Variants in ECI1 observed in about 807,000 individuals in gnomAD.
ECI1 encodes the protein enoyl-CoA delta isomerase 1, mitochondrial.
Under a neutral mutation model 34.2 loss-of-function variants are expected in ECI1, and 34 were observed. That is an observed-to-expected ratio of 1.00 (90% CI 0.76 to 1.33). The LOEUF (loss-of-function observed/expected upper bound fraction) is 1.33. ECI1 is among the 40% of genes most tolerant of loss of function. The pLI, the probability that ECI1 is intolerant of heterozygous loss-of-function variation, is 0.00. For missense variants in ECI1, 456 were observed against 422.2 expected, an observed-to-expected ratio of 1.08 and a Z score of -0.70; for synonymous variants, 211 against 193.0, an observed-to-expected ratio of 1.09 and a Z score of -0.77.
chr16:2,240,506 C>T (rs1482276720), intron 6 of ECI1: 8 of 275,592 alleles, frequency 2.9e-5, no homozygotes, highest in African/African-American at 6.7e-5. Flanking sequence ...CCAGCACGCC[C>T]GGCCCTAATT....
rs1034239887 is a variant in ECI1 at position 2,242,973 on chromosome 16, C to T, written c.742+73G>A. The T allele has an allele frequency of 2.0e-4, 243 of 1,233,732 alleles. 2 individuals carry two copies. The highest frequency in any genetic ancestry group is 1.4e-3 in the South Asian group (118 of 82,656). 76.4% of individuals were successfully genotyped at this position (1,233,732 alleles called of 1,614,324 possible). On this transcript the variant is annotated intron_variant, in intron 6 of 6. Transcript: ENST00000301729. Reference sequence around the variant, plus strand: ...CAGTCTCCCGAAGTCACGATGTCCACAGAAAACCTTTGGGTGGAGAACCTT... The same window carrying T: ...CAGTCTCCCGAAGTCACGATGTCCATAGAAAACCTTTGGGTGGAGAACCTT...
chr16:2,247,020 C>G, intron 2 of ECI1, 34 bp from the exon 3 acceptor site: 4 of 1,608,608 alleles, frequency 2.5e-6, no homozygotes, highest in Non-Finnish European at 3.4e-6. Context: ...AAGCTCACAC[C>G]TGGCACTGGA....
At chr16:2,248,128 C>CG (rs1567314814) in intron 2 of ECI1, among the ~76,000 whole-genome samples, 3 of 152,092 alleles carry the variant, frequency 2.0e-5, no homozygotes, top group African/African-American at 2.4e-5. Flanking sequence ...GACAGAGTCT[C>CG]GCTCGTCGCC....
At chr16:2,249,750 C>T (rs1278266644) in intron 2 of ECI1, among the ~76,000 whole-genome samples, 1 of 150,582 alleles carries the variant, frequency 6.6e-6, no homozygotes, top group Non-Finnish European at 1.5e-5. Flanking sequence ...TGGTGGCGGG[C>T]GCCTGTAGTC....
chr16:2,250,785 CTT>C (rs751421852), intron 2 of ECI1, among the ~76,000 whole-genome samples: 7 of 152,116 alleles, frequency 4.6e-5, no homozygotes, highest in Non-Finnish European at 1.0e-4. Flanking sequence ...AATTGAATAA[CTT>C]AGATAACAGC....
chr16:2,242,824 C>G (rs377621236), intron 6 of ECI1: 1 of 599,512 alleles, frequency 1.7e-6, no homozygotes, highest in Non-Finnish European at 3.0e-6. Context: ...GCAGTCCTGC[C>G]CACACTTTGA....
chr16:2,250,849 T>A (rs2093551585), intron 2 of ECI1, among the ~76,000 whole-genome samples: 1 of 152,174 alleles, frequency 6.6e-6, no homozygotes. Context: ...TGAGACGGAA[T>A]CTTGCTCTGT....
rs867026910 is a variant in ECI1, at chr16:2,245,075, A to C, written c.295-523T>G. 8.5e-5 allele frequency among the ~76,000 whole-genome samples: 13 copies of C among 152,268 alleles called. No individual in the cohort carries two copies. In the South Asian group the frequency reaches 2.1e-3, roughly 24 times the overall value. ...GAGCACAGGTGGAAGGGACCCTCCC[A>C]CGGCTGGAGTAGCGGGCGCCAGCAC... On this transcript the variant is annotated intron_variant, in intron 3 of 6. Transcript: ENST00000301729.
chr16:2,244,103 G>C, intron 4 of ECI1: 1 of 472,316 alleles, frequency 2.1e-6, no homozygotes, highest in East Asian at 4.0e-5. Flanking sequence ...CAAAATGTGG[G>C]TCCGATCACC....
At chr16:2,246,827 G>A (rs369676219) in intron 3 of ECI1, 32 bp downstream of exon 3, 30 of 1,611,194 alleles carry the variant, frequency 1.9e-5, no homozygotes, top group Middle Eastern at 4.4e-4. Flanking sequence ...CCAAGAACTC[G>A]GGCTGGGGTA....
In ECI1 at chr16:2,246,928, C is replaced by G. The variant is rs770144171; in HGVS notation, c.225G>C (p.Leu75=). 1.9e-6 allele frequency: 3 copies of G among 1,613,780 alleles called. No individual in the cohort carries two copies. In the South Asian group the frequency reaches 3.3e-5, roughly 18 times the overall value. The change falls in exon 3 of 7, where the codon CTG becomes CTC. Residue 75 remains leucine (L), a synonymous_variant. Coordinates refer to ENST00000301729, the MANE Select transcript of ECI1 (RefSeq NM_001919.4). ...PPVNSLSLEF[L]TELVISLEKL... is the part of the protein sequence containing the mutation. The stretch of plus-strand genomic sequence containing the variant: ...TCTCCAGGCTGATGACCAGCTCCGT[C>G]AGAAACTCCAGGCTCAGGCTGTTCA...
chr16:2,240,072 C>T lies in ECI1; in HGVS notation c.816G>A (p.Ala272=), dbSNP rs151227142. The change falls in exon 7 of 7, where the codon GCG becomes GCA. Residue 272 remains alanine (A), a synonymous_variant. Coordinates refer to ENST00000301729, the MANE Select transcript of ECI1 (RefSeq NM_001919.4). ...TGAAGCTGACGAAGTTCTGCACGTC[C>T]GCATCGCGCTGCGTGACCAGGCGGC... ...TASRLVTQRD[A]DVQNFVSFIS... 2.2e-4 allele frequency: 358 copies of T among 1,614,008 alleles called. 2 individuals carry two copies. In the African/African-American group the frequency reaches 3.1e-3, roughly 14 times the overall value.
In ECI1 at chr16:2,239,865, A is replaced by C. The variant is rs1436239503; in HGVS notation, c.*114T>G. ...CTATGAGGAACAGGAACTTCTACGTAACATCAGCAAAATGAAACGCTGGCA... is the reference window on the plus strand; with the variant it reads ...CTATGAGGAACAGGAACTTCTACGTCACATCAGCAAAATGAAACGCTGGCA... On this transcript the variant is annotated 3_prime_UTR_variant, in exon 7 of 7. Coordinates refer to ENST00000301729, the MANE Select transcript of ECI1 (RefSeq NM_001919.4). 1.9e-5 allele frequency: 23 copies of C among 1,189,102 alleles called. No individual in the cohort carries two copies. Among genetic ancestry groups the C allele is most frequent in the Non-Finnish European group, 2.8e-5 (22 of 799,566 alleles). The allele number at this position is 1,189,102 out of a possible 1,614,324, so 73.7% of individuals were successfully genotyped here.
intron 2 of ECI1, 79 bp from the exon 3 acceptor site, chr16:2,247,065 C>T (rs1432988261): frequency 2.0e-6 from 3 of 1,521,060 alleles, no homozygotes; most frequent in Non-Finnish European, 2.7e-6. Context: ...CTCAACTAAG[C>T]CATGATAGCT....
At chr16:2,242,087 T>C (rs935872971) in intron 6 of ECI1, among the ~76,000 whole-genome samples, 12 of 152,158 alleles carry the variant, frequency 7.9e-5, no homozygotes, top group South Asian at 6.2e-4. Flanking sequence ...CTTGATCTCC[T>C]GACCTTGTGA....
chr16:2,240,719 T>TG (rs1457021171), intron 6 of ECI1: 3 of 151,856 alleles, frequency 2.0e-5, no homozygotes, highest in Non-Finnish European at 4.4e-5. Flanking sequence ...ATTTTTGAGA[T>TG]GGAGTCTGTC....
rs1225709161 is a variant in ECI1 at position 2,244,440 on chromosome 16, T to C, written c.407A>G (p.Tyr136Cys). The C allele has an allele frequency of 6.2e-7, 1 of 1,612,238 alleles. No individual in the cohort carries two copies. The highest frequency in any genetic ancestry group is 2.2e-5 in the East Asian group (1 of 44,874). The change falls in exon 4 of 7, where the codon TAC becomes TGC. Residue 136 changes from tyrosine (Y) to cysteine (C), a missense_variant. Tyr to Cys is a radical substitution (Grantham distance 194, BLOSUM62 -2). Coordinates refer to ENST00000301729, the MANE Select transcript of ECI1 (RefSeq NM_001919.4). ...KAVQELWLRL[Y>C]QSNLVLVSAI... ...GGAGACCAGCACCAGGTTGGACTGG[T>C]ACAACCGCAGCCACAGCTCCTGAAC...
rs750827759 is a variant in ECI1, at chr16:2,243,080, C to T, written c.708G>A (p.Ala236=). 1.2e-5 allele frequency: 19 copies of T among 1,604,576 alleles called. No homozygotes were observed. The highest frequency in any genetic ancestry group is 1.0e-4 in the Admixed American group (6 of 60,006). Residue 236 remains alanine (A), a synonymous_variant, in exon 6 of 7, where the codon GCG becomes GCA. Transcript: ENST00000301729. The part of the protein sequence containing the change: ...VVPEEQVQST[A]LSAIAQWMAI... ...CCATCCACTGGGCTATCGCTGACAG[C>T]GCAGTGCTCTGCACCTGCTCCTCCG... is the stretch of plus-strand genomic sequence containing the variant.
Position 2,244,519 on chromosome 16 carries a change from G to T in ECI1, c.328C>A (p.Leu110Met). ...RPGVFSAGLD[L>M]TEMCGRSPAH... Reference sequence around the variant, plus strand: ...GGGCTCCTCCCACACATCTCCGTCAGGTCCAGGCCGGCCGAGAAGACACCC... The same window carrying T: ...GGGCTCCTCCCACACATCTCCGTCATGTCCAGGCCGGCCGAGAAGACACCC... The change falls in exon 4 of 7, where the codon CTG becomes ATG. Residue 110 changes from leucine to methionine, a missense_variant. Leu to Met is a conservative substitution (Grantham distance 15, BLOSUM62 2). Transcript: ENST00000301729. 6.3e-7 allele frequency: 1 copy of T among 1,597,384 alleles called. No individual in the cohort carries two copies. The highest frequency in any genetic ancestry group is 8.5e-7 in the Non-Finnish European group (1 of 1,172,848).
Sources: allele counts gnomAD v4.1 joint callset (sites outside exome capture counted in the v4.1 genomes callset), GRCh38; gene constraint gnomAD v4.1.1; transcripts MANE v1.5; gene names NCBI Gene and HGNC (gene_info 2026-07-23, HGNC 2026-07-21).